Variants in KMT2C observed in about 807,000 individuals in gnomAD.
KMT2C encodes histone-lysine N-methyltransferase 2C.
In KMT2C, 88 loss-of-function variants were observed where a neutral mutation model predicts 507.9. The ratio of observed to expected loss-of-function variants is 0.17; its 90% CI spans 0.15 to 0.21. The LOEUF (loss-of-function observed/expected upper bound fraction) is 0.21, where lower values mean the gene tolerates loss of function less well. Ranked by LOEUF, KMT2C falls within the 10% of genes least tolerant of loss-of-function variation. The probability of loss-of-function intolerance (pLI) is 1.00; values close to 1 mark genes in which losing one functional copy is unlikely to be tolerated. For missense variants in KMT2C, 4,954 were observed against 5,957.8 expected, an observed-to-expected ratio of 0.83 and a Z score of 5.55; for synonymous variants, 2,049 against 2,080.8, an observed-to-expected ratio of 0.98 and a Z score of 0.42.
chr7:152,428,643 A>G lies in KMT2C; in HGVS notation c.161+6983T>C, dbSNP rs1189409713. Reference sequence around the variant, plus strand: ...TAAAACTCCATCTCAAAAAAGAAAAAAAAAAATCATAAAAATCCAAATTTC... The same window carrying G: ...TAAAACTCCATCTCAAAAAAGAAAAGAAAAAATCATAAAAATCCAAATTTC... On this transcript the variant is annotated intron_variant, in intron 1 of 58. Transcript: ENST00000262189. Among the ~76,000 whole-genome samples the G allele has an allele frequency of 2.6e-5, 4 of 152,010 alleles. No individual in the cohort carries two copies. The East Asian group carries it at 7.7e-4, about 29-fold the overall frequency.
chr7:152,237,803 T>C (rs189120127), intron 15 of KMT2C, among the ~76,000 whole-genome samples: 1 of 152,024 alleles, frequency 6.6e-6, no homozygotes, highest in Non-Finnish European at 1.5e-5. Flanking sequence ...CCCGGCCGAG[T>C]TTGTTTTGTT....
chr7:152,163,824 A>G lies in KMT2C; in HGVS notation c.9753T>C (p.Ile3251=). 6.2e-7 allele frequency: 1 copy of G among 1,613,550 alleles called. No individual in the cohort carries two copies. Among genetic ancestry groups the G allele is most frequent in the Non-Finnish European group, 8.5e-7 (1 of 1,179,466 alleles). ...CAGCATGTTCTTTCTGTTGTTTACG[A>G]ATCTGGAATAACAAAATGCATCATT... ...QSMVQKQLEQ[I]RKQQKEHAEL... Residue 3251 remains isoleucine, a splice_region_variant and synonymous_variant, in exon 43 of 59, where the codon ATT becomes ATC. Coordinates refer to ENST00000262189, the MANE Select transcript of KMT2C (RefSeq NM_170606.3).
chr7:152,201,626 A>AAAAAAAAAAAAAAAAAAAAAAAG (rs2094146550), intron 26 of KMT2C, among the ~76,000 whole-genome samples: 1 of 132,348 alleles, frequency 7.6e-6, no homozygotes, highest in Non-Finnish European at 1.5e-5. Flanking sequence ...TGAAAAAAAA[A>AAAAAAAAAAAAAAAAAAAAAAAG]AAAAAAAAAA....
chr7:152,300,008 G>A (rs1050169220), intron 6 of KMT2C, among the ~76,000 whole-genome samples: 9 of 152,114 alleles, frequency 5.9e-5, no homozygotes, highest in African/African-American at 1.2e-4. Flanking sequence ...GCAGTCAAAA[G>A]TATCATTAAC....
At chr7:152,267,830 T>C (rs945825786) in intron 7 of KMT2C, among the ~76,000 whole-genome samples, 1 of 152,316 alleles carries the variant, frequency 6.6e-6, no homozygotes, top group Non-Finnish European at 1.5e-5. Flanking sequence ...CTTATCTCCC[T>C]TTCCAACTGA....
At chr7:152,312,568 A>C (rs1265701636) in intron 4 of KMT2C, among the ~76,000 whole-genome samples, 1 of 152,244 alleles carries the variant, frequency 6.6e-6, no homozygotes, top group Non-Finnish European at 1.5e-5. Context: ...TGTATGTCAC[A>C]AATTGGAAGT....
At chr7:152,231,738 G>A (rs1479218245) in intron 16 of KMT2C, among the ~76,000 whole-genome samples, 1 of 151,802 alleles carries the variant, frequency 6.6e-6, no homozygotes, top group African/African-American at 2.4e-5. Flanking sequence ...CCAAGATTAC[G>A]CCACTGCACT....
intron 16 of KMT2C, 61 bp downstream of exon 16, chr7:152,235,756 T>G (rs1324570826): frequency 2.7e-4 from 308 of 1,128,978 alleles, no homozygotes; most frequent in Non-Finnish European, 8.1e-6. Flanking sequence ...TAACTTGCTA[T>G]GAGATTTTCA....
chr7:152,276,680 G>A (rs1031776270), intron 6 of KMT2C, among the ~76,000 whole-genome samples: 1 of 151,936 alleles, frequency 6.6e-6, no homozygotes, highest in Admixed American at 6.6e-5. Context: ...TTGAGCCCAG[G>A]AGGTTGAGGC....
intron 6 of KMT2C, among the ~76,000 whole-genome samples, chr7:152,304,667 T>C (rs1353361057): frequency 5.9e-5 from 9 of 152,210 alleles, no homozygotes; most frequent in Admixed American, 5.9e-4. Flanking sequence ...GGTATCAGAA[T>C]ATACTCAGCT....
In KMT2C at chr7:152,162,333, A is replaced by G. The variant is rs771900025; in HGVS notation, c.11244T>C (p.Ala3748=). 69 of 1,614,122 alleles carry G rather than the reference A, an allele frequency of 4.3e-5. No homozygotes were observed. Among genetic ancestry groups the G allele is most frequent in the Non-Finnish European group, 5.6e-5 (66 of 1,180,036 alleles). Reference sequence around the variant, plus strand: ...GTGCTGAGGAGACAGGACAGGCTACAGCGTTTCCTTCTACCTTACTACCAT... The same window carrying G: ...GTGCTGAGGAGACAGGACAGGCTACGGCGTTTCCTTCTACCTTACTACCAT... ...EQNGSKVEGN[A]VACPVSSAQS... The change falls in exon 43 of 59, where the codon GCT becomes GCC. Residue 3748 remains alanine, a synonymous_variant. Coordinates refer to ENST00000262189, the MANE Select transcript of KMT2C (RefSeq NM_170606.3).
At chr7:152,139,844 C>A in intron 55 of KMT2C, 53 bp from the exon 56 acceptor site, 2 of 1,306,722 alleles carry the variant, frequency 1.5e-6, no homozygotes, top group Non-Finnish European at 1.1e-6. Context: ...AGTCTTTTTT[C>A]TGTTTTTCAT....
chr7:152,179,752 T>C (rs1012936795), intron 37 of KMT2C, 82 bp downstream of exon 37: 11 of 1,325,342 alleles, frequency 8.3e-6, no homozygotes, highest in Non-Finnish European at 1.1e-5. Context: ...GTAGCTAGGA[T>C]TACAGGCACA....
chr7:152,313,260 T>G (rs974952492), intron 4 of KMT2C, among the ~76,000 whole-genome samples: 2 of 151,950 alleles, frequency 1.3e-5, no homozygotes, highest in Non-Finnish European at 2.9e-5. Context: ...GACCAACAGT[T>G]CATCTATAAC....
rs1416107485 is a variant in KMT2C at position 152,145,292 on chromosome 7, G to C, written c.14035C>G (p.Pro4679Ala). ...SAVARIAESLPGVEACENYTF... is the reference protein window; with the variant it reads ...SAVARIAESLAGVEACENYTF... ...TAATTTTCACATGCCTCAACCCCAG[G>C]AAGCTGAAAAGAAGCAAAGCAGACA... The change falls in exon 54 of 59, where the codon CCT becomes GCT. Residue 4679 changes from proline (P) to alanine (A), a missense_variant. Physicochemically the swap from Pro to Ala is conservative, Grantham distance 27 (BLOSUM62 -1). Transcript: ENST00000262189. 1 of 1,613,660 alleles carries C rather than the reference G, an allele frequency of 6.2e-7. No individual in the cohort carries two copies. Among genetic ancestry groups the C allele is most frequent in the African/African-American group, 1.3e-5 (1 of 74,908 alleles).
At chr7:152,282,497 T>G (rs1198478406) in intron 6 of KMT2C, among the ~76,000 whole-genome samples, 29 of 151,160 alleles carry the variant, frequency 1.9e-4, no homozygotes, top group Middle Eastern at 3.4e-3. Context: ...ATACTATACA[T>G]CAATGAGAAA....
intron 9 of KMT2C, among the ~76,000 whole-genome samples, chr7:152,257,871 A>G (rs2095686961): frequency 6.6e-6 from 1 of 151,804 alleles, no homozygotes; most frequent in Non-Finnish European, 1.5e-5. Context: ...ACACGCACAC[A>G]CACACACACA....
At chr7:152,146,778 C>A in intron 52 of KMT2C, 43 bp from the exon 53 acceptor site, 1 of 1,573,472 alleles carries the variant, frequency 6.4e-7, no homozygotes, top group Non-Finnish European at 8.7e-7. Flanking sequence ...AAATAGGATA[C>A]AGTATAAAAA....
At chr7:152,316,457 T>C (rs961682051) in intron 3 of KMT2C, among the ~76,000 whole-genome samples, 20 of 152,254 alleles carry the variant, frequency 1.3e-4, no homozygotes, top group Non-Finnish European at 1.6e-4. Flanking sequence ...TCAATATACA[T>C]ATATAGAATA....
Sources: gnomAD v4.1 joint callset for allele counts (sites outside exome capture counted in the v4.1 genomes callset) on GRCh38, gnomAD v4.1.1 for gene constraint, MANE v1.5 for transcripts, NCBI Gene and HGNC (gene_info 2026-07-23, HGNC 2026-07-21) for gene names.